The following UBASH3A variants were observed in gnomAD, a reference collection of about 807,000 sequenced individuals.
UBASH3A encodes ubiquitin-associated and SH3 domain-containing protein A.
A neutral mutation model predicts 73.5 loss-of-function variants in UBASH3A; 63 were observed. The observed-to-expected ratio is 0.86, with a 90% CI of 0.70 to 1.06. The LOEUF is 1.06. UBASH3A is among the 50% of genes least tolerant of loss of function. The probability of loss-of-function intolerance (pLI) is 0.00; values close to 1 mark genes in which losing one functional copy is unlikely to be tolerated. For synonymous variants in UBASH3A, 363 were observed against 351.1 expected (o/e 1.03, Z -0.38); for missense variants, 860 against 859.0 (o/e 1.00, Z -0.02).
At chr21:42,446,615 C>A (rs1227362118) in intron 14 of UBASH3A, among the ~76,000 whole-genome samples, 1 of 152,264 alleles carries the variant, frequency 6.6e-6, no homozygotes, top group Non-Finnish European at 1.5e-5. Flanking sequence ...TCTAAAGGTT[C>A]ACTTTGTGCT....
Position 42,407,435 on chromosome 21 carries a change from A to T in UBASH3A, c.167+1074A>T, listed in dbSNP as rs376287992. On this transcript the variant is annotated intron_variant, in intron 2 of 14. Transcript: ENST00000319294. ...CACTAAAGCCAGTTGCCAATTTTGG[A>T]TCAGAAACAAGCCCACTGCTGTGAA... is the stretch of plus-strand genomic sequence containing the variant. Among the ~76,000 whole-genome samples, 4 of 152,248 alleles carry T rather than the reference A, an allele frequency of 2.6e-5. 1 individual carries two copies. The highest frequency in any genetic ancestry group is 3.9e-4 in the East Asian group (2 of 5,184).
At position 42,437,502 on chromosome 21, in the gene UBASH3A, G is replaced by A; in HGVS notation, c.1408G>A (p.Asp470Asn). 6.2e-7 allele frequency: 1 copy of A among 1,614,234 alleles called. No individual in the cohort carries two copies. The highest frequency in any genetic ancestry group is 8.5e-7 in the Non-Finnish European group (1 of 1,180,024). ...CTATTTTCCAGGGGACGCGCTACTG[G>A]ACAGTGGTATCAGAATCAGCTCTGT... is the stretch of plus-strand genomic sequence containing the variant. ...QSRIAGDALL[D>N]SGIRISSVFA... The change falls in exon 11 of 15, where the codon GAC (aspartate) becomes AAC (asparagine). Residue 470 changes from aspartate to asparagine, a missense_variant. Coordinates refer to ENST00000319294, the MANE Select transcript of UBASH3A (RefSeq NM_018961.4).
intron 11 of UBASH3A, among the ~76,000 whole-genome samples, chr21:42,440,148 G>T (rs903902914): frequency 6.6e-6 from 1 of 152,212 alleles, no homozygotes; most frequent in Non-Finnish European, 1.5e-5. Context: ...AGGGTCCCGC[G>T]ATGTCCGCCT....
At chr21:42,439,843 A>T (rs1276357738) in intron 11 of UBASH3A, among the ~76,000 whole-genome samples, 1 of 141,444 alleles carries the variant, frequency 7.1e-6, no homozygotes, top group Admixed American at 7.1e-5. Context: ...CCCACACACA[A>T]CACACAACAC....
At chr21:42,440,926 C>T (rs2053729707) in intron 11 of UBASH3A, among the ~76,000 whole-genome samples, 1 of 152,140 alleles carries the variant, frequency 6.6e-6, no homozygotes, top group Non-Finnish European at 1.5e-5. Flanking sequence ...CACACTTATT[C>T]CCATTTTTGG....
chr21:42,406,221 T>G, intron 1 of UBASH3A, 87 bp from the exon 2 acceptor site: 2 of 1,078,244 alleles, frequency 1.9e-6, no homozygotes, highest in South Asian at 1.2e-5. Context: ...CCAAAGATCC[T>G]GGGTGTGCAA....
In UBASH3A at chr21:42,447,256, G is replaced by C. The variant is rs2053860500; in HGVS notation, c.*62G>C. Reference sequence around the variant, plus strand: ...AGGCAGAAACCATGTGCAGAGGCTGGGAGATGCTGCTGTTTCCAGAGGCGT... The same window carrying C: ...AGGCAGAAACCATGTGCAGAGGCTGCGAGATGCTGCTGTTTCCAGAGGCGT... On this transcript the variant is annotated 3_prime_UTR_variant, in exon 15 of 15. Transcript: ENST00000319294. The C allele has an allele frequency of 6.4e-7, 1 of 1,554,442 alleles. No individual in the cohort carries two copies. Among genetic ancestry groups the C allele is most frequent in the East Asian group, 2.3e-5 (1 of 43,850 alleles).
At chr21:42,411,540 CAT>C (rs1047393350) in intron 3 of UBASH3A, among the ~76,000 whole-genome samples, 2 of 151,854 alleles carry the variant, frequency 1.3e-5, no homozygotes, top group African/African-American at 4.8e-5. Flanking sequence ...CACAGACACA[CAT>C]AGACATACGC....
intron 2 of UBASH3A, among the ~76,000 whole-genome samples, chr21:42,408,464 G>T (rs2146492183): frequency 6.6e-6 from 1 of 152,266 alleles, no homozygotes; most frequent in African/African-American, 2.4e-5. Context: ...TTCCTCGGGA[G>T]AAATTTCTGG....
chr21:42,410,029 G>C (rs1392771555), intron 3 of UBASH3A: 1 of 700,666 alleles, frequency 1.4e-6, no homozygotes, highest in East Asian at 2.7e-5. Flanking sequence ...CTAAAACAGA[G>C]TTTGTGCTTC....
intron 8 of UBASH3A, among the ~76,000 whole-genome samples, chr21:42,431,334 C>G (rs1336201368): frequency 1.3e-5 from 2 of 152,228 alleles, no homozygotes; most frequent in Non-Finnish European, 2.9e-5. Flanking sequence ...CCCCAAAGCA[C>G]AGGCTCCCCA....
At chr21:42,405,185 T>C (rs918468672) in intron 1 of UBASH3A, among the ~76,000 whole-genome samples, 2 of 152,158 alleles carry the variant, frequency 1.3e-5, no homozygotes, top group Non-Finnish European at 2.9e-5. Context: ...GTCACTGTTA[T>C]GTTCAAGCTA....
intron 2 of UBASH3A, among the ~76,000 whole-genome samples, chr21:42,408,063 C>T (rs1343703442): frequency 6.6e-6 from 1 of 152,160 alleles, no homozygotes; most frequent in Non-Finnish European, 1.5e-5. Flanking sequence ...ATCTATAAGT[C>T]CGTTACTTAA....
chr21:42,426,813 C>T lies in UBASH3A; in HGVS notation c.1163C>T (p.Ala388Val). Residue 388 changes from alanine (A) to valine (V), a missense_variant, in exon 8 of 15, where the codon GCC becomes GTC. Coordinates refer to ENST00000319294, the MANE Select transcript of UBASH3A (RefSeq NM_018961.4). Reference sequence around the variant, plus strand: ...GCAAGGAGTCTTAGCAGCTTACAGGCCTTGCAGGTAATAGAACATTCCCTT... The same window carrying T: ...GCAAGGAGTCTTAGCAGCTTACAGGTCTTGCAGGTAATAGAACATTCCCTT... Reference protein sequence around the residue: ...QTARSLSSLQALQATVARKSV... With the variant: ...QTARSLSSLQVLQATVARKSV... 1.2e-6 allele frequency: 2 copies of T among 1,613,820 alleles called. No homozygotes were observed. Among genetic ancestry groups the T allele is most frequent in the Non-Finnish European group, 1.7e-6 (2 of 1,179,892 alleles).
chr21:42,410,060 C>T (rs1601557475), intron 3 of UBASH3A: 3 of 701,998 alleles, frequency 4.3e-6, no homozygotes, highest in East Asian at 5.4e-5. Context: ...GGTAAGTCAA[C>T]TCAAGGATGG....
chr21:42,421,718 G>A (rs876498), intron 7 of UBASH3A, among the ~76,000 whole-genome samples: 64,953 of 152,056 alleles, frequency 0.43, 14,292 homozygotes, highest in African/African-American at 0.51. Context: ...ATTAAAAGCT[G>A]CTTAAAAATT....
intron 6 of UBASH3A, among the ~76,000 whole-genome samples, chr21:42,418,109 C>T (rs2053258137): frequency 6.6e-6 from 1 of 152,008 alleles, no homozygotes; most frequent in South Asian, 2.1e-4. Flanking sequence ...GTCTCAAACT[C>T]CTGACCTTGT....
Position 42,413,147 on chromosome 21 carries a change from T to G in UBASH3A, c.478T>G (p.Phe160Val), listed in dbSNP as rs1055550712. The G allele has an allele frequency of 6.2e-7, 1 of 1,614,196 alleles. No homozygotes were observed. Among genetic ancestry groups the G allele is most frequent in the Admixed American group, 1.7e-5 (1 of 60,026 alleles). Residue 160 changes from phenylalanine to valine, a missense_variant, in exon 4 of 15, where the codon TTC becomes GTC. Transcript: ENST00000319294. The surrounding 1 kb of genome is among the most constrained non-coding windows in gnomAD (Gnocchi z 4.5). ...LHSSISYLGF[F>V]VSGSPADVIR... is the part of the protein sequence containing the mutation. ...CTCCTCCATCAGCTACCTCGGCTTC[T>G]TCGTCAGTGGCAGCCCCGCAGACGT...
chr21:42,420,441 C>G (rs1170199420), intron 7 of UBASH3A, among the ~76,000 whole-genome samples: 1 of 152,120 alleles, frequency 6.6e-6, no homozygotes, highest in Non-Finnish European at 1.5e-5. Flanking sequence ...TCCACAAATG[C>G]AGAACCTCCA....
Sources: allele counts gnomAD v4.1 joint callset (sites outside exome capture counted in the v4.1 genomes callset), GRCh38; gene constraint gnomAD v4.1.1; non-coding constraint Gnocchi (gnomAD v3.1); transcripts MANE v1.5; gene names NCBI Gene and HGNC (gene_info 2026-07-23, HGNC 2026-07-21).